The following THOC7 variants were observed in gnomAD, a reference collection of about 807,000 sequenced individuals.
THOC7 encodes NIF3L1-binding protein 1.
Under a neutral mutation model 33.1 loss-of-function variants are expected in THOC7, and 22 were observed. The ratio of observed to expected loss-of-function variants is 0.66; its 90% CI spans 0.47 to 0.95. THOC7 has a LOEUF of 0.95. THOC7 is among the 40% of genes least tolerant of loss of function. The pLI is 0.00. For missense variants in THOC7, 184 were observed against 245.3 expected (o/e 0.75, Z 1.67); for synonymous variants, 77 against 76.8 (o/e 1.00, Z -0.01).
chr3:63,863,429 C>G, intron 1 of THOC7: 4 of 1,102,806 alleles, frequency 3.6e-6, no homozygotes, highest in Non-Finnish European at 4.4e-6. Flanking sequence ...CTGGTCCCAC[C>G]CGCCCTTGCA....
intron 4 of THOC7, 59 bp from the exon 5 acceptor site, chr3:63,836,417 CA>C: frequency 6.6e-7 from 1 of 1,520,386 alleles, no homozygotes; most frequent in South Asian, 1.1e-5. Context: ...ATTATCAAAA[CA>C]AAATGTGTAA....
chr3:63,849,821 T>C (rs1701984497), intron 1 of THOC7, among the ~76,000 whole-genome samples: 1 of 152,236 alleles, frequency 6.6e-6, no homozygotes, highest in African/African-American at 2.4e-5. Flanking sequence ...TGAATTCTTC[T>C]AGTTTTCTCT....
At chr3:63,834,243 A>G (rs775179993) in intron 7 of THOC7, 44 bp from the exon 8 acceptor site, 9 of 1,587,054 alleles carry the variant, frequency 5.7e-6, no homozygotes, top group Admixed American at 3.3e-5. Context: ...AAGTTTGCCT[A>G]TATTTTATAT....
chr3:63,838,564 A>G (rs1701684681), intron 2 of THOC7, 65 bp from the exon 3 acceptor site: 1 of 1,435,510 alleles, frequency 7.0e-7, no homozygotes, highest in Non-Finnish European at 9.4e-7. Flanking sequence ...AACTGTTATA[A>G]TGCAGACAAA....
At chr3:63,862,485 T>C (rs1702244597) in intron 1 of THOC7, among the ~76,000 whole-genome samples, 1 of 152,232 alleles carries the variant, frequency 6.6e-6, no homozygotes, top group African/African-American at 2.4e-5. Context: ...TGCTTGTTAG[T>C]TCTGGGTTGT....
intron 1 of THOC7, among the ~76,000 whole-genome samples, chr3:63,852,733 TAGG>T (rs1278850509): frequency 4.6e-5 from 7 of 152,266 alleles, no homozygotes; most frequent in Non-Finnish European, 8.8e-5. Flanking sequence ...CCAGAATTTT[TAGG>T]AGGATGTACA....
rs144113129 is a variant in THOC7 at position 63,848,015 on chromosome 3, A to G, written c.20-8242T>C. On this transcript the variant is annotated intron_variant, in intron 1 of 7. Coordinates refer to ENST00000295899, the MANE Select transcript of THOC7 (RefSeq NM_025075.4). Reference sequence around the variant, plus strand: ...GACCAGCATGAACATTAAAACAGAGATCTTAAGACTGACCAAACAGACTCT... The same window carrying G: ...GACCAGCATGAACATTAAAACAGAGGTCTTAAGACTGACCAAACAGACTCT... Among the ~76,000 whole-genome samples, 23 of 152,308 alleles carry G rather than the reference A, an allele frequency of 1.5e-4. No homozygotes were observed. In the East Asian group the frequency reaches 3.5e-3, roughly 23 times the overall value.
At chr3:63,839,606 T>G in intron 2 of THOC7, 50 bp downstream of exon 2, 1 of 1,533,964 alleles carries the variant, frequency 6.5e-7, no homozygotes, top group Non-Finnish European at 9.0e-7. Context: ...ATATAGGGCC[T>G]AAAATCACAT....
At chr3:63,855,033 A>G (rs1168410049) in intron 1 of THOC7, among the ~76,000 whole-genome samples, 1 of 151,552 alleles carries the variant, frequency 6.6e-6, no homozygotes, top group Non-Finnish European at 1.5e-5. Flanking sequence ...AAAGAAAAGG[A>G]GGCAGCAATT....
chr3:63,846,426 A>G (rs832186), intron 1 of THOC7, among the ~76,000 whole-genome samples: 20,850 of 151,994 alleles, frequency 0.14, 1,857 homozygotes, highest in Non-Finnish European at 0.19. Context: ...TATTTTTTTT[A>G]GACGGAGTTT....
In THOC7 at chr3:63,835,219, T is replaced by A. The variant is rs1158999129; in HGVS notation, c.482A>T (p.Glu161Val). The change falls in exon 7 of 8, where the codon GAA becomes GTA. Residue 161 changes from glutamate to valine, a missense_variant. Glu to Val is a moderately radical substitution (Grantham distance 121). Around this residue, in one of 3 missense-constraint regions of THOC7, gnomAD observed 157 missense variants for 201.3 expected, o/e 0.78. Coordinates refer to ENST00000295899, the MANE Select transcript of THOC7 (RefSeq NM_025075.4). ...HIKESVEDKL[E>V]LRRKQFHVLL... ...AACATGAAACTGTTTCCGTCTCAAT[T>A]CCAGCTGTGTTAACAAGAAAAAAAT... 6.2e-7 allele frequency: 1 copy of A among 1,613,672 alleles called. No homozygotes were observed. The highest frequency in any genetic ancestry group is 2.2e-5 in the East Asian group (1 of 44,768).
At chr3:63,836,525 T>C (rs1342124539) in intron 4 of THOC7, among the ~76,000 whole-genome samples, 167 bp from the exon 5 acceptor site, 1 of 152,028 alleles carries the variant, frequency 6.6e-6, no homozygotes, top group African/African-American at 2.4e-5. Flanking sequence ...GTTATAATTA[T>C]AACGATACAT....
chr3:63,858,993 G>C (rs553680170), intron 1 of THOC7, among the ~76,000 whole-genome samples: 8 of 152,288 alleles, frequency 5.3e-5, no homozygotes, highest in Admixed American at 1.3e-4. Flanking sequence ...TTACATGAAG[G>C]GACAGTGATA....
intron 1 of THOC7, among the ~76,000 whole-genome samples, chr3:63,860,240 T>C (rs1480501251): frequency 6.6e-6 from 1 of 152,176 alleles, no homozygotes; most frequent in Non-Finnish European, 1.5e-5. Context: ...AGATCATGTC[T>C]TGCTGTGTTG....
intron 1 of THOC7, among the ~76,000 whole-genome samples, chr3:63,840,266 G>A (rs1488819741): frequency 1.3e-5 from 2 of 152,034 alleles, no homozygotes; most frequent in Admixed American, 6.6e-5. Context: ...TTTAAAAGAT[G>A]TAGTGGCAAA....
intron 1 of THOC7, among the ~76,000 whole-genome samples, chr3:63,851,509 C>T (rs947243280): frequency 6.6e-6 from 1 of 152,204 alleles, no homozygotes; most frequent in Non-Finnish European, 1.5e-5. Flanking sequence ...TAGACTAAGT[C>T]GTTACCCAAC....
intron 1 of THOC7, among the ~76,000 whole-genome samples, chr3:63,853,157 G>GAAAAAAAAAAAAAAA (rs1195911287): frequency 1.4e-5 from 1 of 73,496 alleles, no homozygotes; most frequent in Non-Finnish European, 2.8e-5. Context: ...TCTCAAAAAA[G>GAAAAAAAAAAAAAAA]AAAAAAAAAA....
chr3:63,850,585 C>CTTT (rs61611564), intron 1 of THOC7, among the ~76,000 whole-genome samples: 19 of 116,818 alleles, frequency 1.6e-4, no homozygotes, highest in Admixed American at 3.6e-4. Context: ...TCTTTCTTTC[C>CTTT]TTTTTTTTTT....
intron 5 of THOC7, 81 bp from the exon 6 acceptor site, chr3:63,835,471 G>T: frequency 7.8e-7 from 1 of 1,279,522 alleles, no homozygotes; most frequent in Non-Finnish European, 1.1e-6. Flanking sequence ...TAAGTTACTA[G>T]ATAGGATTTT....
Sources: gnomAD v4.1 joint callset for allele counts (sites outside exome capture counted in the v4.1 genomes callset) on GRCh38, gnomAD v4.1.1 for gene constraint, gnomAD v4.1.1 regional missense constraint, MANE v1.5 for transcripts, NCBI Gene and HGNC (gene_info 2026-07-23, HGNC 2026-07-21) for gene names.